SPAG9: variants seen among roughly 807,000 people sequenced by gnomAD.
The protein encoded by SPAG9 is sperm associated antigen 9.
In SPAG9, 35 loss-of-function variants were observed where a neutral mutation model predicts 166.5. The ratio of observed to expected loss-of-function variants is 0.21; its 90% CI spans 0.16 to 0.28. SPAG9 has a LOEUF of 0.28. SPAG9 is among the 10% of genes least tolerant of loss of function. SPAG9 has a pLI of 1.00. For missense variants in SPAG9, 1,235 were observed against 1,603.3 expected, an observed-to-expected ratio of 0.77 and a Z score of 3.92; for synonymous variants, 534 against 565.5, an observed-to-expected ratio of 0.94 and a Z score of 0.79.
intron 2 of SPAG9, among the ~76,000 whole-genome samples, chr17:51,065,128 A>T (rs1568054996): frequency 1.3e-5 from 2 of 152,154 alleles, no homozygotes; most frequent in South Asian, 4.1e-4. Context: ...CATCTCAAAA[A>T]ATATATATAT....
intron 1 of SPAG9, among the ~76,000 whole-genome samples, chr17:51,090,405 C>T (rs1472098042): frequency 1.3e-5 from 2 of 152,066 alleles, no homozygotes; most frequent in East Asian, 3.9e-4. Flanking sequence ...CCTGTAATCC[C>T]AGGTACTGGG....
Position 51,077,011 on chromosome 17 carries a change from TAG to T in SPAG9, c.424+2571_424+2572del, listed in dbSNP as rs1568065278. 2.3e-3 allele frequency among the ~76,000 whole-genome samples: 243 copies of T among 106,586 alleles called. 3 individuals are homozygous for T. Among genetic ancestry groups the T allele is most frequent in the South Asian group, 0.012 (43 of 3,696 alleles). 69.9% of individuals were successfully genotyped at this position (106,586 alleles called of 152,430 possible). ...CTAGCTATCTAGCTATCTAGCTAGCTAGCTAGCTATCTAGCTATCTATCTAGC... is the reference window on the plus strand; with the variant it reads ...CTAGCTATCTAGCTATCTAGCTAGCTCTAGCTATCTAGCTATCTATCTAGC... On this transcript the variant is annotated intron_variant, in intron 2 of 29. Coordinates refer to ENST00000262013, the MANE Select transcript of SPAG9 (RefSeq NM_001130528.3).
chr17:51,031,981 CT>C (rs913437711), intron 5 of SPAG9: 46 of 587,898 alleles, frequency 7.8e-5, no homozygotes, highest in African/African-American at 1.9e-4. Context: ...ATTGTTTAAC[CT>C]TTTTTTTCTA....
At position 51,028,996 on chromosome 17, in the gene SPAG9, T is replaced by C. The variant is rs369839638; in HGVS notation, c.783+2685A>G. On this transcript the variant is annotated intron_variant, in intron 6 of 29. Coordinates refer to ENST00000262013, the MANE Select transcript of SPAG9 (RefSeq NM_001130528.3). Reference sequence around the variant, plus strand: ...ATGAGTGGTGGCAAACATGGAGACTTACGCAGTCATCAAGTCTCTTTCTAA... The same window carrying C: ...ATGAGTGGTGGCAAACATGGAGACTCACGCAGTCATCAAGTCTCTTTCTAA... Among the ~76,000 whole-genome samples the C allele has an allele frequency of 4.5e-4, 68 of 152,280 alleles. 1 individual carries two copies. The South Asian group carries it at 9.3e-3, about 21-fold the overall frequency.
chr17:50,986,011 G>T (rs138375580), intron 22 of SPAG9, among the ~76,000 whole-genome samples: 473 of 152,300 alleles, frequency 3.1e-3, no homozygotes, highest in Middle Eastern at 0.014. Context: ...TGAAAAGCAA[G>T]AACTAGTGCA....
In SPAG9 at chr17:50,990,680, A is replaced by G. The variant is rs1312234865; in HGVS notation, c.2399-12T>C. 6.2e-7 allele frequency: 1 copy of G among 1,605,382 alleles called. No homozygotes were observed. The highest frequency in any genetic ancestry group is 8.5e-7 in the Non-Finnish European group (1 of 1,172,148). ...TGTTTCTCGTGCACCTGAAAAATAAATCTTCTTGTAACAGCAAAGTAAACT... is the reference window on the plus strand; with the variant it reads ...TGTTTCTCGTGCACCTGAAAAATAAGTCTTCTTGTAACAGCAAAGTAAACT... On this transcript the variant is annotated splice_polypyrimidine_tract_variant and intron_variant, in intron 19 of 29. Transcript: ENST00000262013.
Position 51,014,308 on chromosome 17 carries a change from T to C in SPAG9, c.1137A>G (p.Thr379=), listed in dbSNP as rs566923616. 1.4e-5 allele frequency: 23 copies of C among 1,613,758 alleles called. No homozygotes were observed. In the Admixed American group the frequency reaches 3.5e-4, roughly 25 times the overall value. The change falls in exon 9 of 30, where the codon ACA becomes ACG. Residue 379 remains threonine, a synonymous_variant. Coordinates refer to ENST00000262013, the MANE Select transcript of SPAG9 (RefSeq NM_001130528.3). The stretch of plus-strand genomic sequence containing the variant: ...AAGACAGTTCTTCAAAGAGAGATTC[T>C]GTATTGCGATCAAAAGCTTTGTTCT... The part of the protein sequence containing the change: ...GIENKAFDRN[T]ESLFEELSSA...
At chr17:50,996,249 G>A (rs950705924) in intron 16 of SPAG9, 1 of 227,304 alleles carries the variant, frequency 4.4e-6, no homozygotes, top group African/African-American at 2.3e-5. Flanking sequence ...AATGATGCTG[G>A]TTTTTTAAAA....
chr17:51,080,556 C>T (rs761716919), intron 1 of SPAG9, among the ~76,000 whole-genome samples: 37 of 152,172 alleles, frequency 2.4e-4, no homozygotes, highest in Non-Finnish European at 4.4e-4. Flanking sequence ...GTATGTCCAA[C>T]TGCCTACTAG....
chr17:51,066,163 T>G (rs1006955363), intron 2 of SPAG9, among the ~76,000 whole-genome samples: 1 of 151,690 alleles, frequency 6.6e-6, no homozygotes, highest in Non-Finnish European at 1.5e-5. Context: ...TGGAGTGCAA[T>G]GGCACAATCA....
intron 16 of SPAG9, chr17:50,995,981 C>T (rs1175015771): frequency 6.2e-6 from 1 of 160,640 alleles, no homozygotes; most frequent in Non-Finnish European, 1.4e-5. Context: ...CAATGACAGG[C>T]ATCAGCCAAT....
intron 13 of SPAG9, among the ~76,000 whole-genome samples, chr17:51,000,307 C>T (rs934978926): frequency 3.3e-5 from 5 of 152,200 alleles, no homozygotes; most frequent in Non-Finnish European, 7.3e-5. Context: ...AATCAGAGCT[C>T]TCTTTTCACT....
chr17:51,027,363 G>C (rs998377370), intron 6 of SPAG9, among the ~76,000 whole-genome samples: 1 of 151,802 alleles, frequency 6.6e-6, no homozygotes, highest in Admixed American at 6.6e-5. Flanking sequence ...ATCCAGAAGG[G>C]GGAAGAGGTT....
intron 6 of SPAG9, among the ~76,000 whole-genome samples, chr17:51,024,805 G>A (rs2046089031): frequency 1.3e-5 from 2 of 151,716 alleles, no homozygotes; most frequent in South Asian, 2.1e-4. Context: ...TGAATGGCCT[G>A]GGCAACACAG....
chr17:51,025,535 T>C (rs2046132016), intron 6 of SPAG9, among the ~76,000 whole-genome samples: 1 of 151,754 alleles, frequency 6.6e-6, no homozygotes, highest in African/African-American at 2.4e-5. Context: ...TGAAAACAAC[T>C]ACAAGTCCCT....
chr17:51,100,196 A>AT (rs1457498498), intron 1 of SPAG9, among the ~76,000 whole-genome samples: 12 of 152,246 alleles, frequency 7.9e-5, no homozygotes, highest in Non-Finnish European at 1.6e-4. Flanking sequence ...TGAGACATTT[A>AT]ATTTGGCTGC....
At chr17:51,066,162 A>G (rs969151187) in intron 2 of SPAG9, among the ~76,000 whole-genome samples, 1 of 151,386 alleles carries the variant, frequency 6.6e-6, no homozygotes, top group Admixed American at 6.6e-5. Context: ...CTGGAGTGCA[A>G]TGGCACAATC....
At chr17:51,055,179 C>T (rs2047328479) in intron 3 of SPAG9, among the ~76,000 whole-genome samples, 1 of 152,074 alleles carries the variant, frequency 6.6e-6, no homozygotes. Context: ...GAAACCTTGT[C>T]TCTACTATAT....
chr17:51,104,697 G>C (rs1430202372), intron 1 of SPAG9, among the ~76,000 whole-genome samples: 1 of 151,930 alleles, frequency 6.6e-6, no homozygotes, highest in African/African-American at 2.4e-5. Flanking sequence ...ACTTTGGAAG[G>C]CCGAGGCGGG....
Sources: allele counts gnomAD v4.1 joint callset (sites outside exome capture counted in the v4.1 genomes callset), GRCh38; gene constraint gnomAD v4.1.1; transcripts MANE v1.5; gene names NCBI Gene and HGNC (gene_info 2026-07-23, HGNC 2026-07-21).